Variants in PRKG1 observed in about 807,000 individuals in gnomAD.
PRKG1 encodes protein kinase cGMP-dependent 1, also known as cGMP-dependent protein kinase 1.
PRKG1 carries 35 observed loss-of-function variants against 88.1 expected under a neutral mutation model. That is an observed-to-expected ratio of 0.40 (90% CI 0.30 to 0.53). The LOEUF is 0.53. Among genes scored for constraint, PRKG1 ranks in the 20% least tolerant of loss-of-function variants. PRKG1 has a pLI of 0.59. For missense variants in PRKG1, 540 were observed against 839.8 expected, an observed-to-expected ratio of 0.64 and a Z score of 4.41; for synonymous variants, 303 against 292.5, an observed-to-expected ratio of 1.04 and a Z score of -0.37.
chr10:52,239,656 T>C (rs1288653675), intron 9 of PRKG1, among the ~76,000 whole-genome samples: 2 of 151,816 alleles, frequency 1.3e-5, no homozygotes, highest in Admixed American at 1.3e-4. Context: ...CAACTAGATA[T>C]ATACAAGTGT....
At chr10:51,955,134 T>C (rs1291112189) in intron 5 of PRKG1, among the ~76,000 whole-genome samples, 2 of 152,070 alleles carry the variant, frequency 1.3e-5, no homozygotes, top group Non-Finnish European at 2.9e-5. Context: ...ATGCAATCTG[T>C]TGGGGAGTCT....
chr10:51,287,602 A>G (rs1490982592), intron 2 of PRKG1, among the ~76,000 whole-genome samples: 1 of 152,218 alleles, frequency 6.6e-6, no homozygotes, highest in Non-Finnish European at 1.5e-5. Flanking sequence ...ATAATTTCAG[A>G]TTTTAATAAA....
rs115672253 is a variant in PRKG1, at chr10:52,186,788, C to T, written c.1076+24825C>T. On this transcript the variant is annotated intron_variant, in intron 9 of 17. Coordinates refer to ENST00000373980, the MANE Select transcript of PRKG1 (RefSeq NM_006258.4). ...GCTATAAATAGAAGAAAAATAAATA[C>T]AAAATTATTTGGGAAAACAACACTA... Among the ~76,000 whole-genome samples the T allele has an allele frequency of 3.9e-3, 594 of 152,088 alleles. 1 individual carries two copies. Among genetic ancestry groups the T allele is most frequent in the African/African-American group, 0.014 (566 of 41,488 alleles).
intron 2 of PRKG1, among the ~76,000 whole-genome samples, chr10:51,280,420 T>C (rs901248316): frequency 2.6e-5 from 4 of 152,198 alleles, no homozygotes; most frequent in Non-Finnish European, 5.9e-5. Context: ...TTGGCCTGCC[T>C]TGCTAGGTTG....
chr10:51,315,068 A>G (rs1438828547), intron 2 of PRKG1, among the ~76,000 whole-genome samples: 1 of 152,254 alleles, frequency 6.6e-6, no homozygotes, highest in African/African-American at 2.4e-5. Context: ...TCTGTGTACT[A>G]CTATTCAAAG....
intron 3 of PRKG1, among the ~76,000 whole-genome samples, chr10:51,770,653 A>G (rs1312043478): frequency 6.6e-6 from 1 of 152,156 alleles, no homozygotes; most frequent in African/African-American, 2.4e-5. Flanking sequence ...TGCAAATCCT[A>G]TTGTGAACTG....
chr10:51,710,325 G>A (rs7898390), intron 3 of PRKG1, among the ~76,000 whole-genome samples: 1 of 152,078 alleles, frequency 6.6e-6, no homozygotes, highest in African/African-American at 2.4e-5. Flanking sequence ...TGTAACTGCT[G>A]TTCATCCATT....
chr10:51,710,814 C>G lies in PRKG1; in HGVS notation c.593-93771C>G, dbSNP rs139537719. 9.2e-5 allele frequency among the ~76,000 whole-genome samples: 14 copies of G among 152,142 alleles called. 1 individual carries two copies. The East Asian group carries it at 2.7e-3, about 29-fold the overall frequency. The stretch of plus-strand genomic sequence containing the variant: ...AGTAGAGTCAATGTGCCTGTTGATG[C>G]CATGATATATCGTCCTGTTTTGGGG... On this transcript the variant is annotated intron_variant, in intron 3 of 17. Coordinates refer to ENST00000373980, the MANE Select transcript of PRKG1 (RefSeq NM_006258.4).
chr10:51,524,115 C>T (rs77372756), intron 3 of PRKG1, among the ~76,000 whole-genome samples: 4,127 of 152,274 alleles, frequency 0.027, 164 homozygotes, highest in Admixed American at 0.12. Context: ...ATAGAAGACT[C>T]CTGCTTCTGC....
intron 2 of PRKG1, among the ~76,000 whole-genome samples, chr10:51,356,407 G>A (rs1353485091): frequency 6.6e-6 from 1 of 151,998 alleles, no homozygotes; most frequent in East Asian, 1.9e-4. Context: ...GATTGTCCAT[G>A]CTATAGTTAT....
chr10:51,568,825 T>A (rs920448397), intron 3 of PRKG1: 1 of 152,030 alleles, frequency 6.6e-6, no homozygotes, highest in Non-Finnish European at 1.5e-5. Flanking sequence ...GATGCTAGTA[T>A]AACTGATAAT....
At chr10:51,007,252 A>T (rs1258443811) in intron 1 of PRKG1, among the ~76,000 whole-genome samples, 1 of 152,012 alleles carries the variant, frequency 6.6e-6, no homozygotes, top group Non-Finnish European at 1.5e-5. Flanking sequence ...GCTGGGCCTG[A>T]GATTCTTAAT....
At chr10:51,059,607 G>T (rs1164774069) in intron 1 of PRKG1, among the ~76,000 whole-genome samples, 1 of 151,936 alleles carries the variant, frequency 6.6e-6, no homozygotes. Context: ...AATGGATTTT[G>T]AATTTTATTA....
intron 4 of PRKG1, among the ~76,000 whole-genome samples, chr10:51,906,693 A>C (rs1444661436): frequency 1.3e-5 from 2 of 152,196 alleles, no homozygotes; most frequent in African/African-American, 4.8e-5. Flanking sequence ...AACTCTTATC[A>C]GACATAAAAA....
At chr10:51,366,579 A>C (rs1393315506) in intron 2 of PRKG1, among the ~76,000 whole-genome samples, 3 of 151,886 alleles carry the variant, frequency 2.0e-5, no homozygotes, top group African/African-American at 7.2e-5. Context: ...TCCAGATTCT[A>C]TCTCTCTGTT....
At chr10:51,506,882 C>T (rs1019181230) in intron 3 of PRKG1, among the ~76,000 whole-genome samples, 19 of 152,020 alleles carry the variant, frequency 1.2e-4, no homozygotes, top group Middle Eastern at 3.2e-3. Context: ...ATCACAATAG[C>T]AAAGACTTGG....
At chr10:51,703,737 T>TG (rs1353862938) in intron 3 of PRKG1, among the ~76,000 whole-genome samples, 1 of 152,200 alleles carries the variant, frequency 6.6e-6, no homozygotes, top group East Asian at 1.9e-4. Context: ...ATTAAAAGTT[T>TG]GGGGCCCTAC....
At chr10:52,115,110 CTTT>C (rs1206133229) in intron 7 of PRKG1, among the ~76,000 whole-genome samples, 1 of 151,962 alleles carries the variant, frequency 6.6e-6, no homozygotes, top group Non-Finnish European at 1.5e-5. Context: ...AAATAGTTCG[CTTT>C]TTACAATTAT....
At chr10:52,050,566 A>G (rs1055714472) in intron 5 of PRKG1, among the ~76,000 whole-genome samples, 1 of 152,146 alleles carries the variant, frequency 6.6e-6, no homozygotes, top group African/African-American at 2.4e-5. Flanking sequence ...TAGCTTAGTC[A>G]TTACAGTCCT....
Sources: gnomAD v4.1 joint callset for allele counts (sites outside exome capture counted in the v4.1 genomes callset) on GRCh38, gnomAD v4.1.1 for gene constraint, MANE v1.5 for transcripts, NCBI Gene and HGNC (gene_info 2026-07-23, HGNC 2026-07-21) for gene names.